INPP4B: variants seen among roughly 807,000 people sequenced by gnomAD.
INPP4B encodes inositol polyphosphate 4-phosphatase type II.
INPP4B carries 55 observed loss-of-function variants against 122.5 expected under a neutral mutation model. The observed-to-expected ratio is 0.45, with a 90% CI of 0.36 to 0.56. The LOEUF (loss-of-function observed/expected upper bound fraction) is 0.56. INPP4B is among the 20% of genes least tolerant of loss of function. The pLI is 0.00. For missense variants in INPP4B, 1,000 were observed against 1,097.7 expected (o/e 0.91, Z 1.26); for synonymous variants, 403 against 388.7 (o/e 1.04, Z -0.43).
intron 2 of INPP4B, among the ~76,000 whole-genome samples, chr4:142,470,650 T>C (rs1818650269): frequency 6.6e-6 from 1 of 152,212 alleles, no homozygotes; most frequent in Non-Finnish European, 1.5e-5. Flanking sequence ...ATATTACAAG[T>C]ACCACAGCCA....
chr4:142,165,411 C>T (rs1822263801), intron 16 of INPP4B, among the ~76,000 whole-genome samples: 1 of 151,736 alleles, frequency 6.6e-6, no homozygotes, highest in East Asian at 1.9e-4. Flanking sequence ...ATACTTTCCA[C>T]AGTCTCTTTA....
chr4:142,234,740 A>G (rs1264980392), intron 12 of INPP4B, among the ~76,000 whole-genome samples: 5 of 152,160 alleles, frequency 3.3e-5, no homozygotes, highest in African/African-American at 1.2e-4. Flanking sequence ...ATTAAAATGT[A>G]ATTTTCTTCT....
chr4:142,402,688 A>G (rs986988567), intron 7 of INPP4B, among the ~76,000 whole-genome samples: 9 of 152,288 alleles, frequency 5.9e-5, no homozygotes, highest in South Asian at 2.1e-4. Context: ...CAACAACAAA[A>G]TGTAAACCAA....
intron 23 of INPP4B, among the ~76,000 whole-genome samples, chr4:142,096,600 G>T (rs2152600817): frequency 6.6e-6 from 1 of 152,126 alleles, no homozygotes; most frequent in Admixed American, 6.5e-5. Context: ...CTTTTAAAAA[G>T]AAACAGAAGT....
intron 1 of INPP4B, among the ~76,000 whole-genome samples, chr4:142,825,883 A>C (rs1781390506): frequency 6.6e-6 from 1 of 152,144 alleles, no homozygotes; most frequent in Non-Finnish European, 1.5e-5. Flanking sequence ...AAAATGTAAA[A>C]TGTAGAGTCT....
intron 17 of INPP4B, among the ~76,000 whole-genome samples, chr4:142,153,865 A>T (rs1303769431): frequency 6.6e-6 from 1 of 152,220 alleles, no homozygotes; most frequent in Non-Finnish European, 1.5e-5. Context: ...ATATGCATGC[A>T]CATAAAGATT....
intron 1 of INPP4B, among the ~76,000 whole-genome samples, chr4:142,799,227 T>C (rs76909500): frequency 0.025 from 3,737 of 152,032 alleles, 56 homozygotes; most frequent in Middle Eastern, 0.095. Context: ...CCCATATATA[T>C]TTCAGGATTA....
intron 17 of INPP4B, among the ~76,000 whole-genome samples, chr4:142,146,730 T>G (rs528589345): frequency 6.6e-6 from 1 of 152,264 alleles, no homozygotes; most frequent in African/African-American, 2.4e-5. Flanking sequence ...GAAGGCACAA[T>G]AAATTGAAAT....
chr4:142,067,332 C>G (rs1560998511), intron 25 of INPP4B, among the ~76,000 whole-genome samples: 1 of 152,178 alleles, frequency 6.6e-6, no homozygotes, highest in Admixed American at 6.5e-5. Context: ...ACATCACCAT[C>G]ATCAAAGACC....
chr4:142,512,507 T>A (rs1339370204), intron 2 of INPP4B, among the ~76,000 whole-genome samples: 1 of 152,186 alleles, frequency 6.6e-6, no homozygotes, highest in Non-Finnish European at 1.5e-5. Context: ...CTATATCCCA[T>A]CTTCTAAAAG....
intron 2 of INPP4B, among the ~76,000 whole-genome samples, chr4:142,655,563 G>A (rs931377084): frequency 8.5e-5 from 13 of 152,172 alleles, no homozygotes; most frequent in South Asian, 6.2e-4. Context: ...TAAAAACCCT[G>A]CACCTTACAT....
chr4:142,429,483 G>A lies in INPP4B; in HGVS notation c.92-266C>T, dbSNP rs1417269229. 2.0e-5 allele frequency among the ~76,000 whole-genome samples: 3 copies of A among 152,104 alleles called. No homozygotes were observed. In the South Asian group the frequency reaches 6.2e-4, roughly 32 times the overall value. On this transcript the variant is annotated intron_variant, in intron 4 of 25. Transcript: ENST00000262992. The stretch of plus-strand genomic sequence containing the variant: ...CCAAGAAATGTTTTTGTAAGCCATG[G>A]CAAACATAAAACATATTTCACAACT...
At chr4:142,289,132 G>A (rs1755199598) in intron 9 of INPP4B, among the ~76,000 whole-genome samples, 1 of 152,098 alleles carries the variant, frequency 6.6e-6, no homozygotes, top group South Asian at 2.1e-4. Flanking sequence ...TCTGATGAAA[G>A]CATCAGACAG....
chr4:142,025,307 A>G lies in INPP4B; in HGVS notation c.*3475T>C, dbSNP rs2152243127. On this transcript the variant is annotated 3_prime_UTR_variant, in exon 26 of 26. Coordinates refer to ENST00000262992, the MANE Select transcript of INPP4B (RefSeq NM_001101669.3). ...TATCCTGTTTTCACTGTAAAGATGT[A>G]ATAGACCTAAATAGACTCAAGAGTA... is the stretch of plus-strand genomic sequence containing the variant. The G allele has an allele frequency of 6.6e-6, 1 of 152,320 alleles. No individual in the cohort carries two copies. Among genetic ancestry groups the G allele is most frequent in the South Asian group, 2.1e-4 (1 of 4,828 alleles). 9.4% of individuals were successfully genotyped at this position (152,320 alleles called of 1,614,324 possible). A position where few individuals can be genotyped will look rare whatever the true frequency, so the allele number is the denominator to read the frequency against.
chr4:142,070,620 A>C (rs889161694), intron 25 of INPP4B, among the ~76,000 whole-genome samples: 29 of 152,216 alleles, frequency 1.9e-4, no homozygotes, highest in African/African-American at 6.8e-4. Context: ...CCTTAAGCTG[A>C]TAAGCAACTT....
At chr4:142,112,046 A>G (rs1790452416) in intron 22 of INPP4B, among the ~76,000 whole-genome samples, 1 of 152,110 alleles carries the variant, frequency 6.6e-6, no homozygotes, top group Non-Finnish European at 1.5e-5. Flanking sequence ...GACCAGCAAA[A>G]AAAAAGTGTT....
intron 7 of INPP4B, among the ~76,000 whole-genome samples, chr4:142,328,124 C>T (rs1477875374): frequency 1.6e-5 from 2 of 126,388 alleles, no homozygotes; most frequent in Non-Finnish European, 3.8e-5. Context: ...CACTGCATGG[C>T]TAACTCAGTG....
chr4:142,248,728 A>C (rs537725628), intron 11 of INPP4B, among the ~76,000 whole-genome samples: 2 of 151,918 alleles, frequency 1.3e-5, no homozygotes, highest in Non-Finnish European at 2.9e-5. Flanking sequence ...TGGGGAAATC[A>C]ACTCTCTTGC....
intron 12 of INPP4B, among the ~76,000 whole-genome samples, chr4:142,236,052 A>C (rs942994660): frequency 2.0e-5 from 3 of 152,182 alleles, no homozygotes; most frequent in Non-Finnish European, 1.5e-5. Flanking sequence ...TAAATTATTA[A>C]GTCTGCTTCA....
Sources: allele counts gnomAD v4.1 joint callset (sites outside exome capture counted in the v4.1 genomes callset), GRCh38; gene constraint gnomAD v4.1.1; transcripts MANE v1.5; gene names NCBI Gene and HGNC (gene_info 2026-07-23, HGNC 2026-07-21).